Variants in PTPRD observed in about 807,000 individuals in gnomAD.
PTPRD encodes the protein protein tyrosine phosphatase receptor type D.
Under a neutral mutation model 214.5 loss-of-function variants are expected in PTPRD, and 34 were observed. That is an observed-to-expected ratio of 0.16 (90% CI 0.12 to 0.21). The LOEUF (loss-of-function observed/expected upper bound fraction) is 0.21. Ranked by LOEUF, PTPRD falls within the 10% of genes least tolerant of loss-of-function variation. PTPRD has a pLI of 1.00. For synonymous variants in PTPRD, 1,128 were observed against 845.7 expected (o/e 1.33, Z -5.79); for missense variants, 2,545 against 2,398.7 (o/e 1.06, Z -1.27).
chr9:8,580,404 C>A (rs1165641920), intron 14 of PTPRD, among the ~76,000 whole-genome samples: 5 of 152,134 alleles, frequency 3.3e-5, no homozygotes, highest in Admixed American at 2.6e-4. Context: ...TTAAGTTTCT[C>A]TTGTAGAATA....
chr9:8,465,488 G>A lies in PTPRD; in HGVS notation c.3692C>T (p.Ala1231Val), dbSNP rs2134458827. 1 of 1,612,236 alleles carries A rather than the reference G, an allele frequency of 6.2e-7. No individual in the cohort carries two copies. ...SGQEYVFFVL[A>V]VMEHAESKMY... ...TACAGACTCTGCATGTTCCATTACT[G>A]CTAACACAAAGAAGACATATTCTTG... The change falls in exon 32 of 46, where the codon GCA becomes GTA. Residue 1231 changes from alanine (A) to valine (V), a missense_variant. Physicochemically the swap from Ala to Val is moderately conservative, Grantham distance 64. Coordinates refer to ENST00000381196, the MANE Select transcript of PTPRD (RefSeq NM_002839.4).
chr9:9,955,544 G>C (rs1587152299), intron 4 of PTPRD, among the ~76,000 whole-genome samples: 2 of 140,786 alleles, frequency 1.4e-5, no homozygotes, highest in Admixed American at 7.0e-5. Flanking sequence ...TTTTTTTTGA[G>C]ACAGAGTCTC....
chr9:10,226,744 G>C (rs2099590126), intron 3 of PTPRD, among the ~76,000 whole-genome samples: 1 of 151,916 alleles, frequency 6.6e-6, no homozygotes. Flanking sequence ...GTCAGCATGA[G>C]ATAAAATCTG....
At chr9:9,494,803 G>A (rs2096093443) in intron 8 of PTPRD, among the ~76,000 whole-genome samples, 1 of 152,082 alleles carries the variant, frequency 6.6e-6, no homozygotes, top group Admixed American at 6.5e-5. Flanking sequence ...TGCAGAAATA[G>A]GAAACCCAAC....
chr9:8,446,428 C>T (rs2095728776), intron 34 of PTPRD, among the ~76,000 whole-genome samples: 2 of 152,160 alleles, frequency 1.3e-5, no homozygotes, highest in African/African-American at 4.8e-5. Flanking sequence ...GCTTTCTTTA[C>T]CTTCTGAAAG....
At chr9:9,932,810 T>C (rs2153935689) in intron 5 of PTPRD, among the ~76,000 whole-genome samples, 1 of 123,670 alleles carries the variant, frequency 8.1e-6, no homozygotes, top group Non-Finnish European at 1.7e-5. Context: ...GGAAAAAATG[T>C]TAAGGGCAGC....
At position 9,000,315 on chromosome 9, in the gene PTPRD, T is replaced by A. The variant is rs77366574; in HGVS notation, c.-104+18382A>T. Among the ~76,000 whole-genome samples the A allele has an allele frequency of 9.6e-4, 146 of 152,132 alleles. 6 individuals carry two copies. In the East Asian group the frequency reaches 0.026, roughly 27 times the overall value. On this transcript the variant is annotated intron_variant, in intron 11 of 45. Coordinates refer to ENST00000381196, the MANE Select transcript of PTPRD (RefSeq NM_002839.4). ...GCAACAGCACCATCCTCTGACTTTA[T>A]TAACATAAAATCTCTCTTTTGCAAA... is the stretch of plus-strand genomic sequence containing the variant.
chr9:10,349,311 G>T (rs2097143300), intron 2 of PTPRD, among the ~76,000 whole-genome samples: 1 of 151,884 alleles, frequency 6.6e-6, no homozygotes, highest in Admixed American at 6.6e-5. Flanking sequence ...AATGAGACCT[G>T]CCTGGATCAT....
At position 9,998,559 on chromosome 9, in the gene PTPRD, C is replaced by CAA. The variant is rs71321213; in HGVS notation, c.-472+35157_-472+35158dup. ...ACATTATCATGATAGCTCTACTAGT[C>CAA]AAAAAAAAAAAATCCCTCCAAATTA... On this transcript the variant is annotated intron_variant, in intron 4 of 45. Transcript: ENST00000381196. 6.9e-4 allele frequency among the ~76,000 whole-genome samples: 103 copies of CAA among 149,332 alleles called. 1 individual carries two copies. Among genetic ancestry groups the CAA allele is most frequent in the African/African-American group, 2.3e-3 (95 of 40,630 alleles).
intron 2 of PTPRD, among the ~76,000 whole-genome samples, chr9:10,344,883 TA>T (rs1356758645): frequency 1.3e-5 from 2 of 152,298 alleles, no homozygotes; most frequent in East Asian, 3.9e-4. Context: ...CAGAATCAAA[TA>T]AATAATTTTC....
At chr9:10,359,091 T>C (rs2097330866) in intron 2 of PTPRD, among the ~76,000 whole-genome samples, 1 of 151,994 alleles carries the variant, frequency 6.6e-6, no homozygotes, top group African/African-American at 2.4e-5. Context: ...ACGGTACCAA[T>C]GCAAAAGGAT....
In PTPRD at chr9:8,518,236, G is replaced by C. The variant is rs753327767; in HGVS notation, c.1155C>G (p.Pro385=). ...CAACCCTGAATTCATAATCCGAGTA[G>C]GGACTTAGTCCAGCGACACTGTAGC... ...TTRYSVAGLS[P]YSDYEFRVVA... Residue 385 remains proline, a synonymous_variant, in exon 21 of 46, where the codon CCC becomes CCG. Coordinates refer to ENST00000381196, the MANE Select transcript of PTPRD (RefSeq NM_002839.4). 1.2e-6 allele frequency: 2 copies of C among 1,614,048 alleles called. No individual in the cohort carries two copies. Among genetic ancestry groups the C allele is most frequent in the Admixed American group, 3.3e-5 (2 of 60,004 alleles).
chr9:9,902,446 C>T (rs1325600000), intron 5 of PTPRD, among the ~76,000 whole-genome samples: 1 of 151,998 alleles, frequency 6.6e-6, no homozygotes, highest in African/African-American at 2.4e-5. Context: ...TAATCATATA[C>T]CAATCACTAA....
chr9:9,528,491 A>G (rs185798773), intron 8 of PTPRD, among the ~76,000 whole-genome samples: 20 of 152,226 alleles, frequency 1.3e-4, no homozygotes, highest in African/African-American at 4.3e-4. Context: ...TGTAAATAAC[A>G]TCAATTTATG....
At chr9:8,781,319 T>A (rs2095686938) in intron 11 of PTPRD, among the ~76,000 whole-genome samples, 1 of 152,200 alleles carries the variant, frequency 6.6e-6, no homozygotes, top group South Asian at 2.1e-4. Flanking sequence ...TTAAAAGCTG[T>A]CTCTGAAGCC....
At chr9:9,856,629 A>G (rs1343489772) in intron 5 of PTPRD, among the ~76,000 whole-genome samples, 3 of 140,798 alleles carry the variant, frequency 2.1e-5, no homozygotes, top group African/African-American at 7.4e-5. Context: ...AAAAAAGAAG[A>G]AAATTTACCA....
At chr9:8,541,622 G>T (rs772160023) in intron 14 of PTPRD, among the ~76,000 whole-genome samples, 8 of 152,000 alleles carry the variant, frequency 5.3e-5, no homozygotes, top group Non-Finnish European at 1.0e-4. Context: ...TTCCACCCTG[G>T]CCTTCCAGTG....
chr9:10,079,194 T>A (rs2098189023), intron 3 of PTPRD, among the ~76,000 whole-genome samples: 1 of 152,048 alleles, frequency 6.6e-6, no homozygotes, highest in South Asian at 2.1e-4. Flanking sequence ...ACTGGCAAGC[T>A]TCCGAACTCC....
intron 9 of PTPRD, among the ~76,000 whole-genome samples, chr9:9,281,998 G>T (rs1947872999): frequency 6.6e-6 from 1 of 151,234 alleles, no homozygotes; most frequent in Non-Finnish European, 1.5e-5. Flanking sequence ...AGTGAAAGAA[G>T]CCAATCTGAA....
Sources: allele counts gnomAD v4.1 joint callset (sites outside exome capture counted in the v4.1 genomes callset), GRCh38; gene constraint gnomAD v4.1.1; transcripts MANE v1.5; gene names NCBI Gene and HGNC (gene_info 2026-07-23, HGNC 2026-07-21).